The following PRUNE2 variants were observed in gnomAD, a reference collection of about 807,000 sequenced individuals.
PRUNE2 encodes the protein prune homolog 2 with BCH domain.
A neutral mutation model predicts 252.0 loss-of-function variants in PRUNE2; 164 were observed. That is an observed-to-expected ratio of 0.65 (90% CI 0.57 to 0.74). The LOEUF (loss-of-function observed/expected upper bound fraction) is 0.74, where lower values mean the gene tolerates loss of function less well. Ranked by LOEUF, PRUNE2 falls within the 30% of genes least tolerant of loss-of-function variation. The pLI, the probability that PRUNE2 is intolerant of heterozygous loss-of-function variation, is 0.00. For synonymous variants in PRUNE2, 1,292 were observed against 1,350.2 expected (o/e 0.96, Z 0.94); for missense variants, 3,495 against 3,711.0 (o/e 0.94, Z 1.51).
At chr9:76,615,362 T>TATC (rs1264069285) in intron 18 of PRUNE2, 1 of 393,986 alleles carries the variant, frequency 2.5e-6, no homozygotes, top group Non-Finnish European at 3.5e-6. Context: ...GGATTTTGCT[T>TATC]ATCTCTGCTC....
At chr9:76,761,034 C>T (rs1044813994) in intron 6 of PRUNE2, among the ~76,000 whole-genome samples, 2 of 144,212 alleles carry the variant, frequency 1.4e-5, no homozygotes, top group Admixed American at 7.1e-5. Flanking sequence ...TGCGGTGAGC[C>T]GAGATCACAC....
intron 9 of PRUNE2, among the ~76,000 whole-genome samples, chr9:76,693,466 C>T (rs1039363180): frequency 6.7e-4 from 58 of 87,150 alleles, no homozygotes; most frequent in African/African-American, 2.8e-3. Flanking sequence ...TTTTTGGAGA[C>T]GGAGTCTTGC....
intron 6 of PRUNE2, among the ~76,000 whole-genome samples, chr9:76,752,562 TC>T (rs1226212092): frequency 6.6e-6 from 1 of 152,176 alleles, no homozygotes; most frequent in Non-Finnish European, 1.5e-5. Flanking sequence ...TAAAATTTTC[TC>T]CTTAACCTTT....
intron 4 of PRUNE2, among the ~76,000 whole-genome samples, chr9:76,829,983 T>G (rs2058577105): frequency 6.6e-6 from 1 of 152,134 alleles, no homozygotes; most frequent in African/African-American, 2.4e-5. Context: ...TCAGAGGGGA[T>G]TTTAAAAATA....
intron 6 of PRUNE2, among the ~76,000 whole-genome samples, chr9:76,813,930 C>T (rs1417556551): frequency 2.0e-5 from 3 of 152,178 alleles, no homozygotes; most frequent in Admixed American, 1.3e-4. Context: ...AATTCTCCTG[C>T]CTCAGCCCCC....
At chr9:76,729,238 A>C (rs2048365199) in intron 6 of PRUNE2, among the ~76,000 whole-genome samples, 1 of 152,170 alleles carries the variant, frequency 6.6e-6, no homozygotes, top group Non-Finnish European at 1.5e-5. Context: ...CTCAAACTTT[A>C]GCTGAACTCA....
At chr9:76,834,137 C>T (rs1216706662) in intron 4 of PRUNE2, among the ~76,000 whole-genome samples, 12 of 152,070 alleles carry the variant, frequency 7.9e-5, no homozygotes, top group Non-Finnish European at 2.9e-5. Context: ...CCCACCTCAG[C>T]CTCCCAAGGT....
intron 1 of PRUNE2, among the ~76,000 whole-genome samples, chr9:76,859,676 G>T (rs746344422): frequency 2.7e-5 from 4 of 148,794 alleles, no homozygotes; most frequent in Non-Finnish European, 5.9e-5. Context: ...AGAATTCAGA[G>T]GCTAGGGTGC....
At chr9:76,640,061 C>A (rs1410881490) in intron 12 of PRUNE2, among the ~76,000 whole-genome samples, 1 of 152,136 alleles carries the variant, frequency 6.6e-6, no homozygotes, top group East Asian at 1.9e-4. Flanking sequence ...TTTTTAGTAT[C>A]CCTGTCTAAA....
chr9:76,755,142 T>C (rs1589036960), intron 6 of PRUNE2, among the ~76,000 whole-genome samples: 1 of 152,290 alleles, frequency 6.6e-6, no homozygotes, highest in East Asian at 1.9e-4. Flanking sequence ...TTTATTTTTC[T>C]TTAAGGTGCT....
intron 1 of PRUNE2, among the ~76,000 whole-genome samples, chr9:76,900,735 CT>C (rs2063120862): frequency 6.6e-6 from 1 of 152,130 alleles, no homozygotes; most frequent in Non-Finnish European, 1.5e-5. Context: ...ATTGTTTCCT[CT>C]TTTGCAGCCT....
intron 9 of PRUNE2, among the ~76,000 whole-genome samples, chr9:76,674,879 G>A (rs1341337093): frequency 1.9e-5 from 2 of 102,754 alleles, no homozygotes; most frequent in Non-Finnish European, 2.3e-5. Flanking sequence ...AGCTGAAACT[G>A]GATCCCTTCC....
In PRUNE2 at chr9:76,710,442, G is replaced by T; in HGVS notation, c.1832C>A (p.Thr611Lys). The stretch of plus-strand genomic sequence containing the variant: ...GCTTTCTACTAAACTATTCATGGGT[G>T]TTGGTGGGATCCTCTTTCCAGTATT... ...LKNTGKRIPPTPMNSLVESSP... is the reference protein window; with the variant it reads ...LKNTGKRIPPKPMNSLVESSP... Residue 611 changes from threonine (T) to lysine (K), a missense_variant, in exon 8 of 19, where the codon ACA (threonine) becomes AAA (lysine). Thr to Lys is a moderately conservative substitution (Grantham distance 78). Transcript: ENST00000376718. 6.2e-7 allele frequency: 1 copy of T among 1,614,024 alleles called. No homozygotes were observed. The highest frequency in any genetic ancestry group is 8.5e-7 in the Non-Finnish European group (1 of 1,179,904).
intron 6 of PRUNE2, among the ~76,000 whole-genome samples, chr9:76,723,699 G>A (rs987101875): frequency 1.3e-5 from 2 of 152,116 alleles, no homozygotes; most frequent in African/African-American, 4.8e-5. Flanking sequence ...GCCCTCTTTT[G>A]AGTTGAAGAA....
chr9:76,666,360 C>T (rs970125311), intron 9 of PRUNE2, among the ~76,000 whole-genome samples: 1 of 152,192 alleles, frequency 6.6e-6, no homozygotes, highest in African/African-American at 2.4e-5. Flanking sequence ...CGCAGTTATC[C>T]GGAGGCCTAA....
chr9:76,794,470 C>T (rs1463573043), intron 6 of PRUNE2, among the ~76,000 whole-genome samples: 3 of 151,912 alleles, frequency 2.0e-5, no homozygotes, highest in Non-Finnish European at 2.9e-5. Flanking sequence ...CAAAAATTAG[C>T]TGGGCGTAGT....
intron 7 of PRUNE2, among the ~76,000 whole-genome samples, chr9:76,711,994 G>T (rs1564128482): frequency 6.6e-6 from 1 of 152,144 alleles, no homozygotes. Flanking sequence ...CCAGAACTGG[G>T]TTACGGCTTT....
chr9:76,702,497 C>T (rs2045962192), intron 9 of PRUNE2, among the ~76,000 whole-genome samples: 1 of 152,176 alleles, frequency 6.6e-6, no homozygotes, highest in Non-Finnish European at 1.5e-5. Flanking sequence ...GAATGCTAAA[C>T]AGTTTCAGCA....
At position 76,786,019 on chromosome 9, in the gene PRUNE2, C is replaced by T. The variant is rs140399062; in HGVS notation, c.756+37613G>A. On this transcript the variant is annotated intron_variant, in intron 6 of 18. Transcript: ENST00000376718. ...ACTGCTTGACATATATTGTTAGAAG[C>T]ACCTCGCATTTGTGGGTTCTCTTAA... 70 of 152,312 alleles carry T rather than the reference C, an allele frequency of 4.6e-4. 1 individual carries two copies. The East Asian group carries it at 0.011, about 23-fold the overall frequency. The allele number at this position is 152,312 out of a possible 1,614,324, so 9.4% of individuals were successfully genotyped here.
Sources: gnomAD v4.1 joint callset for allele counts (sites outside exome capture counted in the v4.1 genomes callset) on GRCh38, gnomAD v4.1.1 for gene constraint, MANE v1.5 for transcripts, NCBI Gene and HGNC (gene_info 2026-07-23, HGNC 2026-07-21) for gene names.